The following GLIS3 variants were observed in gnomAD, a reference collection of about 807,000 sequenced individuals.
The protein encoded by GLIS3 is GLIS family zinc finger 3, also known as zinc finger protein GLIS3.
GLIS3 carries 53 observed loss-of-function variants against 78.6 expected under a neutral mutation model. The observed-to-expected ratio is 0.67, with a 90% CI of 0.54 to 0.85. The LOEUF is 0.85. GLIS3 is among the 40% of genes least tolerant of loss of function. The pLI is 0.00. For missense variants in GLIS3, 1,703 were observed against 1,231.1 expected, an observed-to-expected ratio of 1.38 and a Z score of -5.74; for synonymous variants, 684 against 509.9, an observed-to-expected ratio of 1.34 and a Z score of -4.60.
intron 4 of GLIS3, among the ~76,000 whole-genome samples, chr9:4,057,904 A>T (rs1826281264): frequency 1.3e-5 from 2 of 152,186 alleles, no homozygotes; most frequent in South Asian, 4.1e-4. Context: ...TCTTTTTCAC[A>T]TGTAAAAAAA....
At chr9:4,445,349 A>T in the GLIS3 span, among the ~76,000 whole-genome samples, 4 of 152,188 alleles carry the variant, frequency 2.6e-5, no homozygotes, top group African/African-American at 9.7e-5. Context: ...CGTCCAGGCC[A>T]GGTGTGGTGG....
the GLIS3 span, among the ~76,000 whole-genome samples, chr9:4,477,203 T>C: frequency 2.0e-5 from 3 of 152,026 alleles, no homozygotes; most frequent in Admixed American, 2.0e-4. Flanking sequence ...AAAAATGTGG[T>C]AAATACATAC....
the GLIS3 span, among the ~76,000 whole-genome samples, chr9:4,361,706 T>A: frequency 6.6e-6 from 1 of 152,214 alleles, no homozygotes; most frequent in South Asian, 2.1e-4. Context: ...CTCGCAAATA[T>A]AAAGGGAAGA....
chr9:3,891,369 T>A (rs1220378518), intron 7 of GLIS3, among the ~76,000 whole-genome samples: 2 of 152,130 alleles, frequency 1.3e-5, no homozygotes, highest in Non-Finnish European at 2.9e-5. Flanking sequence ...GCTAAAGCGA[T>A]GATCACAGGG....
chr9:4,081,032 G>C (rs1285134319), intron 4 of GLIS3, among the ~76,000 whole-genome samples: 1 of 152,170 alleles, frequency 6.6e-6, no homozygotes, highest in Non-Finnish European at 1.5e-5. Flanking sequence ...AGTCTTGCCT[G>C]GCTTGTCCTT....
At chr9:4,044,446 C>T (rs1197566629) in intron 4 of GLIS3, among the ~76,000 whole-genome samples, 6 of 152,092 alleles carry the variant, frequency 3.9e-5, no homozygotes, top group Admixed American at 6.6e-5. Flanking sequence ...CTCTCATAGT[C>T]TCTCATTTCT....
chr9:4,283,779 A>G (rs1292450993), intron 2 of GLIS3, among the ~76,000 whole-genome samples: 1 of 152,240 alleles, frequency 6.6e-6, no homozygotes, highest in Admixed American at 6.5e-5. Context: ...ATTGTCAACC[A>G]AAATCTGGAA....
chr9:4,178,117 A>C (rs1206669583), intron 2 of GLIS3, among the ~76,000 whole-genome samples: 1 of 152,168 alleles, frequency 6.6e-6, no homozygotes, highest in African/African-American at 2.4e-5. Context: ...TCTTATTCTT[A>C]AAGATATGTT....
intron 2 of GLIS3, among the ~76,000 whole-genome samples, chr9:4,345,839 G>C (rs914759975): frequency 6.6e-6 from 1 of 152,186 alleles, no homozygotes; most frequent in African/African-American, 2.4e-5. Flanking sequence ...TGGGGAGTAA[G>C]GCAGGGAATG....
At chr9:4,194,042 ATTTT>A (rs1377466081) in intron 2 of GLIS3, among the ~76,000 whole-genome samples, 1 of 151,924 alleles carries the variant, frequency 6.6e-6, no homozygotes, top group African/African-American at 2.4e-5. Flanking sequence ...TTGCCGCTTT[ATTTT>A]TATTTATTTA....
intron 4 of GLIS3, among the ~76,000 whole-genome samples, chr9:4,094,445 G>A (rs1829781671): frequency 6.6e-6 from 1 of 152,088 alleles, no homozygotes; most frequent in African/African-American, 2.4e-5. Flanking sequence ...TATTTTTAGA[G>A]ACAGGTTACG....
Position 3,899,003 on chromosome 9 carries a change from C to T in GLIS3, c.1984-168G>A, listed in dbSNP as rs1823084489. ...CAGAGTGTCAATAAAAGGATCAGTT[C>T]TCCAATCCTAATAACACCTGGCAAG... is the stretch of plus-strand genomic sequence containing the variant. On this transcript the variant is annotated intron_variant, in intron 6 of 10. Coordinates refer to ENST00000381971, the MANE Select transcript of GLIS3 (RefSeq NM_001042413.2). The T allele has an allele frequency of 9.9e-6, 8 of 810,382 alleles. No individual in the cohort carries two copies. The East Asian group carries it at 2.1e-4, about 22-fold the overall frequency. The allele number at this position is 810,382 out of a possible 1,614,324, so 50.2% of individuals were successfully genotyped here.
chr9:3,953,283 T>C (rs1456648490), intron 4 of GLIS3, among the ~76,000 whole-genome samples: 1 of 152,202 alleles, frequency 6.6e-6, no homozygotes, highest in Non-Finnish European at 1.5e-5. Flanking sequence ...GTTTTGTTGG[T>C]TTTTTGAGAA....
At chr9:3,874,659 T>C (rs894036769) in intron 8 of GLIS3, among the ~76,000 whole-genome samples, 11 of 152,104 alleles carry the variant, frequency 7.2e-5, no homozygotes, top group Non-Finnish European at 1.5e-4. Flanking sequence ...AGTGTCAGGA[T>C]AGGTTGCAAT....
chr9:3,888,532 T>A (rs1264624151), intron 7 of GLIS3, among the ~76,000 whole-genome samples: 1 of 152,220 alleles, frequency 6.6e-6, no homozygotes, highest in Non-Finnish European at 1.5e-5. Flanking sequence ...GCCTCTCCCT[T>A]TCCTAGATGT....
intron 4 of GLIS3, among the ~76,000 whole-genome samples, chr9:3,994,957 G>A (rs970627919): frequency 6.6e-6 from 1 of 152,246 alleles, no homozygotes; most frequent in East Asian, 1.9e-4. Context: ...CAAGAGTTGG[G>A]GCTATTCTAA....
At chr9:4,410,949 T>G in the GLIS3 span, among the ~76,000 whole-genome samples, 22 of 152,318 alleles carry the variant, frequency 1.4e-4, no homozygotes, top group African/African-American at 4.6e-4. Context: ...ACTCTTGGGT[T>G]TTTTTCTTAA....
At chr9:4,187,824 T>C (rs1390790784) in intron 2 of GLIS3, among the ~76,000 whole-genome samples, 1 of 152,148 alleles carries the variant, frequency 6.6e-6, no homozygotes, top group Non-Finnish European at 1.5e-5. Context: ...TAAGAATGCT[T>C]GTGATTTTTG....
At chr9:4,034,899 G>A (rs1225250072) in intron 4 of GLIS3, 5 of 152,150 alleles carry the variant, frequency 3.3e-5, no homozygotes, top group African/African-American at 9.7e-5. Context: ...ACAAATGTGT[G>A]TGTGGCAGGG....
Sources: gnomAD v4.1 joint callset for allele counts (sites outside exome capture counted in the v4.1 genomes callset) on GRCh38, gnomAD v4.1.1 for gene constraint, MANE v1.5 for transcripts, NCBI Gene and HGNC (gene_info 2026-07-23, HGNC 2026-07-21) for gene names.